The following KCNQ1 variants were observed in gnomAD, a reference collection of about 807,000 sequenced individuals.
KCNQ1 encodes potassium voltage-gated channel subfamily Q member 1, also known as potassium voltage-gated channel subfamily KQT member 1.
Under a neutral mutation model 72.4 loss-of-function variants are expected in KCNQ1, and 49 were observed. The ratio of observed to expected loss-of-function variants is 0.68; its 90% CI spans 0.54 to 0.86. The LOEUF is 0.86. Among genes scored for constraint, KCNQ1 ranks in the 40% least tolerant of loss-of-function variants. The probability of loss-of-function intolerance (pLI) is 0.00; values close to 1 mark genes in which losing one functional copy is unlikely to be tolerated. For missense variants in KCNQ1, 790 were observed against 945.1 expected, an observed-to-expected ratio of 0.84 and a Z score of 2.15; for synonymous variants, 450 against 412.6, an observed-to-expected ratio of 1.09 and a Z score of -1.10.
intron 1 of KCNQ1, among the ~76,000 whole-genome samples, chr11:2,453,168 G>A (rs915148038): frequency 6.6e-6 from 1 of 152,230 alleles, no homozygotes; most frequent in East Asian, 1.9e-4. Flanking sequence ...TAGGTCGGGA[G>A]TTCGAGACCA....
rs889766938 is a variant in KCNQ1, at chr11:2,463,466, G to A, written c.386+17982G>A. 2.0e-5 allele frequency among the ~76,000 whole-genome samples: 3 copies of A among 152,178 alleles called. No homozygotes were observed. Among genetic ancestry groups the A allele is most frequent in the Non-Finnish European group, 2.9e-5 (2 of 68,012 alleles). On this transcript the variant is annotated intron_variant, in intron 1 of 15. Transcript: ENST00000155840. The surrounding 1 kb of genome is among the most constrained non-coding windows in gnomAD (Gnocchi z 7.0). ...GTTGTCCTTGGTGCAGGTGGCGGGC[G>A]GGGCTGGGGGGCTCTGTAGCCTTCC...
intron 6 of KCNQ1, among the ~76,000 whole-genome samples, chr11:2,580,025 A>C (rs939973666): frequency 6.6e-6 from 1 of 152,230 alleles, no homozygotes; most frequent in Non-Finnish European, 1.5e-5. Flanking sequence ...TGGTATTTTC[A>C]TTTAAAAAGT....
In KCNQ1 at chr11:2,478,040, G is replaced by GCCAAGTGAT; in HGVS notation, c.386+32563_386+32571dup. On this transcript the variant is annotated intron_variant, in intron 1 of 15. Coordinates refer to ENST00000155840, the MANE Select transcript of KCNQ1 (RefSeq NM_000218.3). This position sits in a 1 kb window ranked among gnomAD's most constrained non-coding sequence, Gnocchi z 4.0. Reference sequence around the variant, plus strand: ...AGGCAAAGCTGGCGACACCACCCGAGCCAAGTGATCCAAGTTAACATCACC... The same window carrying GCCAAGTGAT: ...AGGCAAAGCTGGCGACACCACCCGAGCCAAGTGATCCAAGTGATCCAAGTTAACATCACC... Among the ~76,000 whole-genome samples the GCCAAGTGAT allele has an allele frequency of 6.6e-6, 1 of 152,302 alleles. No homozygotes were observed. The highest frequency in any genetic ancestry group is 1.5e-5 in the Non-Finnish European group (1 of 68,034).
chr11:2,544,502 C>G lies in KCNQ1; in HGVS notation c.477+16484C>G, dbSNP rs564754699. On this transcript the variant is annotated intron_variant, in intron 2 of 15. Transcript: ENST00000155840. This position sits in a 1 kb window ranked among gnomAD's most constrained non-coding sequence, Gnocchi z 4.4. ...CATATACATATGAGGTTATATACCA[C>G]TTATTTAGATTTTTAACTTCTGTCA... Among the ~76,000 whole-genome samples, 3 of 151,462 alleles carry G rather than the reference C, an allele frequency of 2.0e-5. No homozygotes were observed. The highest frequency in any genetic ancestry group is 4.9e-5 in the African/African-American group (2 of 41,180).
intron 11 of KCNQ1, among the ~76,000 whole-genome samples, chr11:2,753,672 C>T (rs1299676269): frequency 6.6e-6 from 1 of 152,336 alleles, no homozygotes; most frequent in Non-Finnish European, 1.5e-5. Context: ...CTCAAAATGT[C>T]CCTTGCATCC....
chr11:2,587,875 T>C (rs1452517012), intron 9 of KCNQ1, among the ~76,000 whole-genome samples, 183 bp downstream of exon 9: 1 of 151,884 alleles, frequency 6.6e-6, no homozygotes, highest in Non-Finnish European at 1.5e-5. Context: ...CATCCCAATG[T>C]CCCCCGACTT....
In KCNQ1 at chr11:2,526,589, C is replaced by T. The variant is rs1380603159; in HGVS notation, c.387-1339C>T. 6.6e-6 allele frequency among the ~76,000 whole-genome samples: 1 copy of T among 151,888 alleles called. No individual in the cohort carries two copies. Among genetic ancestry groups the T allele is most frequent in the African/African-American group, 2.4e-5 (1 of 41,372 alleles). The stretch of plus-strand genomic sequence containing the variant: ...GTGGGGGGCCAGAGCCCCACCTTCC[C>T]CAGAAACCTCCGTGCAGCAGGAGGA... On this transcript the variant is annotated intron_variant, in intron 1 of 15. Transcript: ENST00000155840. This position sits in a 1 kb window ranked among gnomAD's most constrained non-coding sequence, Gnocchi z 6.1.
chr11:2,511,985 G>A (rs1436303024), intron 1 of KCNQ1, among the ~76,000 whole-genome samples: 1 of 152,260 alleles, frequency 6.6e-6, no homozygotes, highest in African/African-American at 2.4e-5. Flanking sequence ...GTGAGCATTT[G>A]TCTCGGGCCA....
In KCNQ1 at chr11:2,813,296, G is replaced by A. The variant is rs772160205; in HGVS notation, c.1795-34471G>A. Among the ~76,000 whole-genome samples, 8 of 152,156 alleles carry A rather than the reference G, an allele frequency of 5.3e-5. No homozygotes were observed. Among genetic ancestry groups the A allele is most frequent in the Non-Finnish European group, 1.0e-4 (7 of 68,040 alleles). On this transcript the variant is annotated intron_variant, in intron 15 of 15. Coordinates refer to ENST00000155840, the MANE Select transcript of KCNQ1 (RefSeq NM_000218.3). This position sits in a 1 kb window ranked among gnomAD's most constrained non-coding sequence, Gnocchi z 4.4. ...TCAGGATGCCAGCAGGCCCTCTGAT[G>A]CCCAGGGCTCATTCAAGGGCATCTG...
rs1234419463 is a variant in KCNQ1 at position 2,544,010 on chromosome 11, G to T, written c.477+15992G>T. Among the ~76,000 whole-genome samples, 1 of 152,130 alleles carries T rather than the reference G, an allele frequency of 6.6e-6. No individual in the cohort carries two copies. Among genetic ancestry groups the T allele is most frequent in the Non-Finnish European group, 1.5e-5 (1 of 68,024 alleles). On this transcript the variant is annotated intron_variant, in intron 2 of 15. Coordinates refer to ENST00000155840, the MANE Select transcript of KCNQ1 (RefSeq NM_000218.3). This position sits in a 1 kb window ranked among gnomAD's most constrained non-coding sequence, Gnocchi z 4.4. The stretch of plus-strand genomic sequence containing the variant: ...CAGCCCTATAATACGGTTAAAATAA[G>T]TTAGGGTAATTTAGCCAACTTTGTT...
intron 11 of KCNQ1, among the ~76,000 whole-genome samples, chr11:2,722,630 A>G (rs1224086543): frequency 6.6e-6 from 1 of 152,092 alleles, no homozygotes; most frequent in Non-Finnish European, 1.5e-5. Flanking sequence ...GATGAGAGCG[A>G]TGCCGTAGCC....
rs1564886361 is a variant in KCNQ1, at chr11:2,768,855, AC to A, written c.1528del (p.His510IlefsTer83). 1 of 1,613,980 alleles carries A rather than the reference AC, an allele frequency of 6.2e-7. No homozygotes were observed. Among genetic ancestry groups the A allele is most frequent in the Non-Finnish European group, 8.5e-7 (1 of 1,179,934 alleles). On this transcript the variant is annotated frameshift_variant, in exon 12 of 16. Coordinates refer to ENST00000155840, the MANE Select transcript of KCNQ1 (RefSeq NM_000218.3). LOFTEE classifies it high-confidence loss of function. This position sits in a 1 kb window ranked among gnomAD's most constrained non-coding sequence, Gnocchi z 6.7. ...TCTCTCCACTGCAGGCTGCGGGAAC[AC>A]CATCGGGCCACCATTAAGGTCATTC... ...PITHISQLRE[H>X]HRATIKVIRR... is the part of the protein sequence containing the mutation.
At position 2,661,671 on chromosome 11, in the gene KCNQ1, C is replaced by A; in HGVS notation, c.1394-290C>A. The A allele has an allele frequency of 1.7e-6, 1 of 596,926 alleles. No individual in the cohort carries two copies. Among genetic ancestry groups the A allele is most frequent in the Non-Finnish European group, 3.0e-6 (1 of 334,718 alleles). The allele number at this position is 596,926 out of a possible 1,614,324, so 37.0% of individuals were successfully genotyped here. On this transcript the variant is annotated intron_variant, in intron 10 of 15. Coordinates refer to ENST00000155840, the MANE Select transcript of KCNQ1 (RefSeq NM_000218.3). This position sits in a 1 kb window ranked among gnomAD's most constrained non-coding sequence, Gnocchi z 5.9. ...GTGAACATGGGAAGAGGCCCAGAAC[C>A]TGAGGTGGGGAGAGTCTTGGACACC...
intron 2 of KCNQ1, among the ~76,000 whole-genome samples, chr11:2,533,994 G>T (rs889960015): frequency 5.9e-5 from 9 of 152,302 alleles, no homozygotes; most frequent in Middle Eastern, 6.8e-3. Context: ...CCTCCCCTCT[G>T]CTGAGGCTCC....
In KCNQ1 at chr11:2,671,052, C is replaced by T. The variant is rs1850174519; in HGVS notation, c.1514+8971C>T. ...TCCTGGGCAGGGGCTGTATCTGAGG[C>T]ACACATCCTTGGTAGTGACTGGCTA... On this transcript the variant is annotated intron_variant, in intron 11 of 15. Coordinates refer to ENST00000155840, the MANE Select transcript of KCNQ1 (RefSeq NM_000218.3). The surrounding 1 kb of genome is among the most constrained non-coding windows in gnomAD (Gnocchi z 4.7). 2.3e-5 allele frequency: 9 copies of T among 398,542 alleles called. No homozygotes were observed. The Admixed American group carries it at 4.0e-4, about 18-fold the overall frequency. 24.7% of individuals were successfully genotyped at this position (398,542 alleles called of 1,614,324 possible).
chr11:2,721,236 T>C (rs1455853040), intron 11 of KCNQ1, among the ~76,000 whole-genome samples: 2 of 152,136 alleles, frequency 1.3e-5, no homozygotes, highest in African/African-American at 2.4e-5. Context: ...TTCTTCCCCC[T>C]GTTTGTCCTA....
chr11:2,815,376 AC>A lies in KCNQ1; in HGVS notation c.1795-32389del, dbSNP rs1407544538. 2.0e-5 allele frequency among the ~76,000 whole-genome samples: 3 copies of A among 151,986 alleles called. No homozygotes were observed. The highest frequency in any genetic ancestry group is 4.4e-5 in the Non-Finnish European group (3 of 67,990). ...GGGGCTTGTCAGGGAGCTCATGGGCACCTCTGGGTTCTAAGAAGCTATGCTG... is the reference window on the plus strand; with the variant it reads ...GGGGCTTGTCAGGGAGCTCATGGGCACTCTGGGTTCTAAGAAGCTATGCTG... On this transcript the variant is annotated intron_variant, in intron 15 of 15. Coordinates refer to ENST00000155840, the MANE Select transcript of KCNQ1 (RefSeq NM_000218.3). The surrounding 1 kb of genome is among the most constrained non-coding windows in gnomAD (Gnocchi z 5.4).
intron 10 of KCNQ1, chr11:2,631,662 A>G (rs917067970): frequency 7.5e-6 from 3 of 398,408 alleles, no homozygotes; most frequent in Non-Finnish European, 8.8e-6. Context: ...TGTTACAATG[A>G]ATTGAAATCT....
intron 11 of KCNQ1, among the ~76,000 whole-genome samples, chr11:2,751,576 C>A (rs971339722): frequency 2.6e-5 from 4 of 152,386 alleles, no homozygotes; most frequent in Admixed American, 2.6e-4. Context: ...TCCCGGCCAA[C>A]AGGCCACTAG....
Sources: allele counts gnomAD v4.1 joint callset (sites outside exome capture counted in the v4.1 genomes callset), GRCh38; gene constraint gnomAD v4.1.1; non-coding constraint Gnocchi (gnomAD v3.1); transcripts MANE v1.5; gene names NCBI Gene and HGNC (gene_info 2026-07-23, HGNC 2026-07-21).